The following AP3S2 variants were observed in gnomAD, a reference collection of about 807,000 sequenced individuals.
AP3S2 encodes the protein adaptor related protein complex 3 subunit sigma 2.
AP3S2 carries 22 observed loss-of-function variants against 23.4 expected under a neutral mutation model. That is an observed-to-expected ratio of 0.94 (90% CI 0.67 to 1.34). The LOEUF (loss-of-function observed/expected upper bound fraction) is 1.34, where lower values mean the gene tolerates loss of function less well. Ranked by LOEUF, AP3S2 falls within the 40% of genes most tolerant of loss-of-function variation. The pLI, the probability that AP3S2 is intolerant of heterozygous loss-of-function variation, is 0.00. For missense variants in AP3S2, 241 were observed against 236.9 expected, an observed-to-expected ratio of 1.02 and a Z score of -0.11; for synonymous variants, 86 against 87.1, an observed-to-expected ratio of 0.99 and a Z score of 0.07.
rs373013943 is a variant in AP3S2, at chr15:89,867,939, A to G, written c.345+3536T>C. Among the ~76,000 whole-genome samples the G allele has an allele frequency of 8.7e-4, 120 of 138,364 alleles. 2 individuals carry two copies. The highest frequency in any genetic ancestry group is 4.3e-3 in the Middle Eastern group (1 of 230). 90.8% of individuals were successfully genotyped at this position (138,364 alleles called of 152,430 possible). Reference sequence around the variant, plus strand: ...GGGAGGTGGGGGGGGTCAGCCCCCCACCCGGCCAGCCGCCCCATCCGGCCA... The same window carrying G: ...GGGAGGTGGGGGGGGTCAGCCCCCCGCCCGGCCAGCCGCCCCATCCGGCCA... On this transcript the variant is annotated intron_variant, in intron 4 of 5. Transcript: ENST00000336418.
intron 2 of AP3S2, 63 bp downstream of exon 2, chr15:89,888,986 A>G: frequency 4.4e-6 from 7 of 1,593,742 alleles, no homozygotes; most frequent in Middle Eastern, 1.7e-4. Context: ...CTGTCAGAAG[A>G]TGCAATAATG....
rs1208497774 is a variant in AP3S2, at chr15:89,832,470, T to C, written c.*3045A>G. On this transcript the variant is annotated 3_prime_UTR_variant, in exon 6 of 6. Transcript: ENST00000336418. ...ACAAAAAAAGGAAAGCCTAGTATTC[T>C]ATACAACCTTAACCTATTTTTTTTT... is the stretch of plus-strand genomic sequence containing the variant. 2.0e-5 allele frequency: 3 copies of C among 147,714 alleles called. No homozygotes were observed. The highest frequency in any genetic ancestry group is 4.4e-5 in the Non-Finnish European group (3 of 67,526). 9.2% of individuals were successfully genotyped at this position (147,714 alleles called of 1,614,324 possible). A position where few individuals can be genotyped will look rare whatever the true frequency, so the allele number is the denominator to read the frequency against.
chr15:89,856,427 G>A (rs376399521), intron 4 of AP3S2, among the ~76,000 whole-genome samples: 50 of 152,230 alleles, frequency 3.3e-4, no homozygotes, highest in Middle Eastern at 3.4e-3. Context: ...AGGGCTGGGC[G>A]TGGTGGCTCA....
intron 1 of AP3S2, among the ~76,000 whole-genome samples, chr15:89,891,490 C>G (rs1007242508): frequency 6.6e-5 from 10 of 152,106 alleles, no homozygotes; most frequent in African/African-American, 2.4e-4. Context: ...GAAACCCCAT[C>G]TCTACTAAAA....
intron 4 of AP3S2, among the ~76,000 whole-genome samples, chr15:89,858,205 A>C (rs1157996263): frequency 6.6e-6 from 1 of 152,006 alleles, no homozygotes; most frequent in African/African-American, 2.4e-5. Context: ...TGGGAGGCTG[A>C]GACAGGCGGA....
chr15:89,871,656 G>A, intron 3 of AP3S2, 110 bp from the exon 4 acceptor site: 1 of 1,137,586 alleles, frequency 8.8e-7, no homozygotes, highest in Admixed American at 2.7e-5. Flanking sequence ...TTTACTTTAT[G>A]ATAAATCTCA....
chr15:89,847,101 G>A (rs1376566595), intron 4 of AP3S2, among the ~76,000 whole-genome samples: 3 of 152,040 alleles, frequency 2.0e-5, no homozygotes, highest in African/African-American at 7.2e-5. Flanking sequence ...TTAAGACCAG[G>A]CATAGCAGCT....
chr15:89,892,552 A>G (rs1896843067), intron 1 of AP3S2, among the ~76,000 whole-genome samples: 1 of 152,236 alleles, frequency 6.6e-6, no homozygotes, highest in Non-Finnish European at 1.5e-5. Context: ...ATGGCATGTT[A>G]GTTTTATCTC....
At chr15:89,852,613 G>T (rs919030237) in intron 4 of AP3S2, 2 of 152,080 alleles carry the variant, frequency 1.3e-5, no homozygotes, top group Admixed American at 1.3e-4. Flanking sequence ...CTCTACCCTG[G>T]GATTCTATCA....
chr15:89,849,678 C>CT (rs112701739), intron 4 of AP3S2, among the ~76,000 whole-genome samples: 1 of 152,064 alleles, frequency 6.6e-6, no homozygotes, highest in Non-Finnish European at 1.5e-5. Context: ...ATGAATTGTA[C>CT]TTTTTTAAAA....
At chr15:89,877,008 AAAG>A (rs1176362993) in intron 3 of AP3S2, 1 of 274,820 alleles carries the variant, frequency 3.6e-6, no homozygotes, top group Non-Finnish European at 7.2e-6. Context: ...CAAGAGGAAA[AAAG>A]TCAAGGCAAG....
At chr15:89,868,389 T>TA (rs1896212676) in intron 4 of AP3S2, among the ~76,000 whole-genome samples, 1 of 19,394 alleles carries the variant, frequency 5.2e-5, no homozygotes, top group Non-Finnish European at 1.1e-4. Flanking sequence ...GGGAGGGAGG[T>TA]GGGGGGGTCA....
intron 4 of AP3S2, among the ~76,000 whole-genome samples, chr15:89,842,447 C>T (rs1474393247): frequency 6.6e-6 from 1 of 152,114 alleles, no homozygotes; most frequent in Non-Finnish European, 1.5e-5. Context: ...CCAAGATACA[C>T]CTTTAGGTAA....
chr15:89,873,310 ACT>A (rs1896364093), intron 3 of AP3S2, among the ~76,000 whole-genome samples: 1 of 138,232 alleles, frequency 7.2e-6, no homozygotes, highest in East Asian at 2.1e-4. Context: ...TTTGAGACAG[ACT>A]CTCGCTCTGT....
intron 4 of AP3S2, among the ~76,000 whole-genome samples, chr15:89,845,009 G>A (rs756958362): frequency 2.6e-5 from 4 of 151,854 alleles, no homozygotes; most frequent in African/African-American, 4.8e-5. Context: ...AGGCTCAAGC[G>A]ATTCTCTTGC....
rs565312386 is a variant in AP3S2 at position 89,857,826 on chromosome 15, A to G, written c.345+13649T>C. Among the ~76,000 whole-genome samples, 130 of 152,316 alleles carry G rather than the reference A, an allele frequency of 8.5e-4. 2 individuals are homozygous for G. Among genetic ancestry groups the G allele is most frequent in the Admixed American group, 5.8e-3 (88 of 15,302 alleles). On this transcript the variant is annotated intron_variant, in intron 4 of 5. Transcript: ENST00000336418. Reference sequence around the variant, plus strand: ...AGGTTCTCCTCCCTCTTGGGCACATAATAGGATCATTTCCCCATCCCTTGG... The same window carrying G: ...AGGTTCTCCTCCCTCTTGGGCACATGATAGGATCATTTCCCCATCCCTTGG...
chr15:89,836,259 C>G (rs778047599), intron 5 of AP3S2, among the ~76,000 whole-genome samples: 4 of 152,320 alleles, frequency 2.6e-5, no homozygotes, highest in South Asian at 4.1e-4. Flanking sequence ...CAGCCTCTCA[C>G]AGTACCTGGC....
intron 3 of AP3S2, among the ~76,000 whole-genome samples, chr15:89,884,262 G>C (rs1241696044): frequency 6.6e-6 from 1 of 151,994 alleles, no homozygotes; most frequent in Non-Finnish European, 1.5e-5. Context: ...TGCTATAATA[G>C]ACTATTAATT....
chr15:89,865,213 C>T (rs1032088880), intron 4 of AP3S2, among the ~76,000 whole-genome samples: 1 of 150,622 alleles, frequency 6.6e-6, no homozygotes, highest in African/African-American at 2.5e-5. Context: ...GCTGTGTGTC[C>T]ATGCTTCCAC....
Sources: gnomAD v4.1 joint callset for allele counts (sites outside exome capture counted in the v4.1 genomes callset) on GRCh38, gnomAD v4.1.1 for gene constraint, MANE v1.5 for transcripts, NCBI Gene and HGNC (gene_info 2026-07-23, HGNC 2026-07-21) for gene names.